The following CUL2 variants were observed in gnomAD, a reference collection of about 807,000 sequenced individuals.
The protein encoded by CUL2 is cullin 2.
A neutral mutation model predicts 110.2 loss-of-function variants in CUL2; 22 were observed. The observed-to-expected ratio is 0.20, with a 90% CI of 0.14 to 0.28. The LOEUF (loss-of-function observed/expected upper bound fraction) is 0.28, where lower values mean the gene tolerates loss of function less well. Among genes scored for constraint, CUL2 ranks in the 10% least tolerant of loss-of-function variants. The pLI, the probability that CUL2 is intolerant of heterozygous loss-of-function variation, is 1.00. For missense variants in CUL2, 631 were observed against 905.5 expected, an observed-to-expected ratio of 0.70 and a Z score of 3.89; for synonymous variants, 279 against 293.2, an observed-to-expected ratio of 0.95 and a Z score of 0.49.
chr10:35,095,563 G>A (rs529177671), upstream of CUL2, among the ~76,000 whole-genome samples: 5 of 151,988 alleles, frequency 3.3e-5, no homozygotes, highest in East Asian at 5.8e-4. Flanking sequence ...GTGTGTGTGT[G>A]TATATATATT....
chr10:35,103,318 TTTTTTTTTTTTTTTA>T (rs1564753906), intron 1 of CUL2, among the ~76,000 whole-genome samples: 7 of 112,280 alleles, frequency 6.2e-5, no homozygotes, highest in Non-Finnish European at 7.3e-5. Context: ...ATTTTTTTTT[TTTTTTTTTTTTTTTA>T]TTTTTTTTTG....
intron 1 of CUL2, among the ~76,000 whole-genome samples, chr10:35,072,830 C>T (rs530379576): frequency 1.5e-4 from 23 of 152,294 alleles, no homozygotes; most frequent in African/African-American, 3.9e-4. Context: ...TTTTAACAGC[C>T]TCCCTCATGT....
intron 14 of CUL2, among the ~76,000 whole-genome samples, chr10:35,030,056 T>C (rs982243689): frequency 1.5e-4 from 23 of 152,350 alleles, no homozygotes; most frequent in Middle Eastern, 3.4e-3. Context: ...GGAGCCATCA[T>C]GGTGCACTAC....
In CUL2 at chr10:35,038,845, A is replaced by C. The variant is rs2085701668; in HGVS notation, c.877+75T>G. ...AAGACTATTACTAAAATAGGCATTAAATCAAGGGTGACTAGAGGATGATAT... is the reference window on the plus strand; with the variant it reads ...AAGACTATTACTAAAATAGGCATTACATCAAGGGTGACTAGAGGATGATAT... On this transcript the variant is annotated intron_variant, in intron 9 of 20. Transcript: ENST00000374749. The C allele has an allele frequency of 5.3e-6, 5 of 948,674 alleles. No homozygotes were observed. The South Asian group carries it at 5.9e-5, about 11-fold the overall frequency. 58.8% of individuals were successfully genotyped at this position (948,674 alleles called of 1,614,324 possible).
intron 1 of CUL2, among the ~76,000 whole-genome samples, chr10:35,124,734 GA>G (rs1256766841): frequency 3.3e-5 from 5 of 152,336 alleles, no homozygotes; most frequent in African/African-American, 9.6e-5. Context: ...CTGTAGGTAT[GA>G]CTCTTGGTAA....
intron 2 of CUL2, among the ~76,000 whole-genome samples, chr10:35,096,713 G>C (rs1272729140): frequency 1.3e-5 from 2 of 152,022 alleles, no homozygotes; most frequent in Non-Finnish European, 2.9e-5. Flanking sequence ...TTTCAAAGGG[G>C]CACAGGAGCC....
intron 1 of CUL2, among the ~76,000 whole-genome samples, chr10:35,116,004 G>C (rs2087592805): frequency 1.3e-5 from 2 of 152,068 alleles, no homozygotes; most frequent in African/African-American, 4.8e-5. Context: ...GATTTGGCTT[G>C]AAAGATGATA....
intron 19 of CUL2, 87 bp from the exon 20 acceptor site, chr10:35,012,051 T>TA: frequency 1.0e-5 from 7 of 674,170 alleles, no homozygotes; most frequent in Non-Finnish European, 1.7e-5. Flanking sequence ...TGAGTGCAAA[T>TA]ACTTTTTTTT....
At chr10:35,047,751 T>C (rs1304970763) in intron 6 of CUL2, among the ~76,000 whole-genome samples, 1 of 149,778 alleles carries the variant, frequency 6.7e-6, no homozygotes, top group Non-Finnish European at 1.5e-5. Context: ...AACCGGTCTC[T>C]ACTAAAAATA....
chr10:35,044,936 T>C (rs1224434908), intron 6 of CUL2, 68 bp from the exon 7 acceptor site: 28 of 1,075,268 alleles, frequency 2.6e-5, no homozygotes, highest in Non-Finnish European at 3.7e-5. Flanking sequence ...ACCCAAAATA[T>C]GCCAAAATAT....
chr10:35,045,668 G>A (rs1006712460), intron 6 of CUL2, among the ~76,000 whole-genome samples: 4 of 151,948 alleles, frequency 2.6e-5, no homozygotes, highest in African/African-American at 9.7e-5. Context: ...AGTGAGCCAC[G>A]ATTGCACCAC....
chr10:35,100,808 G>C (rs2087367116), intron 2 of CUL2: 2 of 149,608 alleles, frequency 1.3e-5, no homozygotes, highest in Non-Finnish European at 3.0e-5. Flanking sequence ...TGACAGGGGA[G>C]AGGGGTGTAC....
intron 1 of CUL2, among the ~76,000 whole-genome samples, chr10:35,071,598 C>T (rs545365718): frequency 2.0e-5 from 3 of 152,016 alleles, no homozygotes; most frequent in East Asian, 1.9e-4. Flanking sequence ...TTAGTAGAGA[C>T]GGGGTTTCAC....
At chr10:35,041,549 CTTTT>C (rs1373827897) in intron 8 of CUL2, among the ~76,000 whole-genome samples, 1 of 77,076 alleles carries the variant, frequency 1.3e-5, no homozygotes, top group African/African-American at 3.5e-5. Flanking sequence ...CTTTTTCTTT[CTTTT>C]GTCAGACAGG....
intron 6 of CUL2, among the ~76,000 whole-genome samples, chr10:35,048,652 G>A (rs1472515060): frequency 6.6e-6 from 1 of 152,106 alleles, no homozygotes; most frequent in East Asian, 1.9e-4. Flanking sequence ...GAAAAACAAC[G>A]GGTTACACCC....
At chr10:35,038,589 CATTT>C (rs929753260) in intron 9 of CUL2, among the ~76,000 whole-genome samples, 5 of 137,304 alleles carry the variant, frequency 3.6e-5, no homozygotes, top group African/African-American at 1.3e-4. Flanking sequence ...TAAATTATTA[CATTT>C]ATTACATAAT....
Position 35,071,348 on chromosome 10 carries a change from TAAA to T in CUL2, c.-22-12_-22-10del, listed in dbSNP as rs1320123117. The T allele has an allele frequency of 6.3e-7, 1 of 1,593,848 alleles. No homozygotes were observed. Among genetic ancestry groups the T allele is most frequent in the Admixed American group, 1.7e-5 (1 of 57,590 alleles). On this transcript the variant is annotated splice_polypyrimidine_tract_variant and intron_variant, in intron 1 of 20. Transcript: ENST00000374749. ...AAGTGTAGTGTTGAAATCTGTCAAT[TAAA>T]AAACAATAACAATGTTAGCAATAAT...
chr10:35,097,749 A>G (rs2135100572), intron 2 of CUL2, among the ~76,000 whole-genome samples: 2 of 152,192 alleles, frequency 1.3e-5, no homozygotes, highest in Non-Finnish European at 2.9e-5. Context: ...ACTTGAGGTC[A>G]GGAGTTTGAG....
At chr10:35,125,601 C>G (rs886153074) in intron 1 of CUL2, among the ~76,000 whole-genome samples, 1 of 152,198 alleles carries the variant, frequency 6.6e-6, no homozygotes, top group African/African-American at 2.4e-5. Context: ...CCTCACTTAA[C>G]ATTGTCAATA....
Sources: allele counts gnomAD v4.1 joint callset (sites outside exome capture counted in the v4.1 genomes callset), GRCh38; gene constraint gnomAD v4.1.1; transcripts MANE v1.5; gene names NCBI Gene and HGNC (gene_info 2026-07-23, HGNC 2026-07-21).